TBC1D8: variants seen among roughly 807,000 people sequenced by gnomAD.
The protein encoded by TBC1D8 is BUB2-like protein 1.
TBC1D8 carries 65 observed loss-of-function variants against 118.8 expected under a neutral mutation model. The ratio of observed to expected loss-of-function variants is 0.55; its 90% CI spans 0.45 to 0.67. The LOEUF (loss-of-function observed/expected upper bound fraction) is 0.67. Ranked by LOEUF, TBC1D8 falls within the 30% of genes least tolerant of loss-of-function variation. TBC1D8 has a pLI of 0.00. For synonymous variants in TBC1D8, 566 were observed against 595.8 expected, an observed-to-expected ratio of 0.95 and a Z score of 0.73; for missense variants, 1,376 against 1,471.2, an observed-to-expected ratio of 0.94 and a Z score of 1.06.
intron 1 of TBC1D8, among the ~76,000 whole-genome samples, chr2:101,096,123 T>C (rs1676402937): frequency 1.3e-5 from 2 of 152,194 alleles, no homozygotes; most frequent in South Asian, 4.1e-4. Flanking sequence ...GGGATCTCTC[T>C]ATGTTGCCCA....
In TBC1D8 at chr2:101,050,573, T is replaced by C; in HGVS notation, c.700A>G (p.Thr234Ala). The C allele has an allele frequency of 3.1e-6, 5 of 1,614,048 alleles. No individual in the cohort carries two copies. The highest frequency in any genetic ancestry group is 4.2e-6 in the Non-Finnish European group (5 of 1,179,904). Residue 234 changes from threonine to alanine, a missense_variant, in exon 5 of 20, where the codon ACC becomes GCC. Thr to Ala is a moderately conservative substitution (Grantham distance 58). Coordinates refer to ENST00000409318, the MANE Select transcript of TBC1D8 (RefSeq NM_001330348.2). ...ERTSNVFLTD[T>A]IRITTQNKER... ...TTATTCTGCGTGGTGATTCGGATGG[T>C]ATCCGTCAGAAAGACATTGGACGTT... is the stretch of plus-strand genomic sequence containing the variant.
intron 17 of TBC1D8, among the ~76,000 whole-genome samples, chr2:101,017,042 T>C (rs1679702591): frequency 6.6e-6 from 1 of 151,148 alleles, no homozygotes. Context: ...AACCTGCACA[T>C]TGTGCACATG....
chr2:101,137,031 CTTT>C (rs34792672), intron 1 of TBC1D8, among the ~76,000 whole-genome samples: 28 of 121,030 alleles, frequency 2.3e-4, no homozygotes, highest in East Asian at 7.1e-4. Flanking sequence ...TAGGCTAATT[CTTT>C]TTTTTTTTTT....
chr2:101,024,784 A>G (rs1470658878), intron 15 of TBC1D8, among the ~76,000 whole-genome samples: 3 of 152,166 alleles, frequency 2.0e-5, no homozygotes, highest in African/African-American at 7.2e-5. Flanking sequence ...CCATGACCCA[A>G]CAGTTCCACC....
At chr2:101,016,638 G>A (rs1281010611) in intron 17 of TBC1D8, among the ~76,000 whole-genome samples, 5 of 151,920 alleles carry the variant, frequency 3.3e-5, no homozygotes, top group South Asian at 2.1e-4. Context: ...TGTTTATTGC[G>A]GCACTATTCA....
At chr2:101,013,472 A>T (rs992841490) in intron 17 of TBC1D8, among the ~76,000 whole-genome samples, 3 of 152,222 alleles carry the variant, frequency 2.0e-5, no homozygotes, top group Non-Finnish European at 4.4e-5. Context: ...TTTCTATTAA[A>T]GTGTTCATTG....
rs559359618 is a variant in TBC1D8 at position 101,061,471 on chromosome 2, G to C, written c.284-1932C>G. 2.6e-5 allele frequency among the ~76,000 whole-genome samples: 4 copies of C among 152,162 alleles called. No homozygotes were observed. In the East Asian group the frequency reaches 7.7e-4, roughly 29 times the overall value. On this transcript the variant is annotated intron_variant, in intron 2 of 19. Transcript: ENST00000409318. ...GGAATAATGAAAGTTTAAAACAGTG[G>C]TGCCTATTTTGTATTTCTTGGGCAA...
chr2:101,139,963 G>A (rs1375713061), intron 1 of TBC1D8, among the ~76,000 whole-genome samples: 2 of 152,122 alleles, frequency 1.3e-5, no homozygotes, highest in Non-Finnish European at 2.9e-5. Context: ...GACAGCACAG[G>A]GCCTGGCACT....
chr2:101,055,948 G>T (rs1682396390), intron 3 of TBC1D8, among the ~76,000 whole-genome samples: 1 of 152,016 alleles, frequency 6.6e-6, no homozygotes, highest in Non-Finnish European at 1.5e-5. Context: ...AACAGCCACT[G>T]CACTCCAGCC....
intron 2 of TBC1D8, among the ~76,000 whole-genome samples, chr2:101,072,297 G>C (rs953545428): frequency 6.6e-6 from 1 of 152,076 alleles, no homozygotes; most frequent in African/African-American, 2.4e-5. Flanking sequence ...GTGAGGCCTC[G>C]GGAAGCTTAC....
chr2:101,065,682 T>TC (rs1285200741), intron 2 of TBC1D8, among the ~76,000 whole-genome samples: 1 of 152,232 alleles, frequency 6.6e-6, no homozygotes, highest in Non-Finnish European at 1.5e-5. Context: ...TTTAAATGTT[T>TC]CTTTTTACAA....
intron 1 of TBC1D8, among the ~76,000 whole-genome samples, chr2:101,118,873 G>A (rs12465978): frequency 0.14 from 21,591 of 151,944 alleles, 1,886 homozygotes; most frequent in East Asian, 0.24. Context: ...AGCTGGGTGT[G>A]GTGGCACACA....
intron 17 of TBC1D8, chr2:101,018,123 T>G (rs1373525391): frequency 1.8e-6 from 1 of 547,822 alleles, no homozygotes; most frequent in Non-Finnish European, 3.3e-6. Context: ...TATAAAGTTT[T>G]CAGAATAACA....
chr2:101,151,371 G>T lies in TBC1D8; in HGVS notation c.-118C>A. 2 of 998,110 alleles carry T rather than the reference G, an allele frequency of 2.0e-6. No homozygotes were observed. The highest frequency in any genetic ancestry group is 2.5e-6 in the Non-Finnish European group (2 of 810,788). 61.8% of individuals were successfully genotyped at this position (998,110 alleles called of 1,614,324 possible). ...GCGCGGGGACCACAGCCCGGCCGGT[G>T]CCCAGCGCTCTGAGAGCCCGCGGAG... On this transcript the variant is annotated 5_prime_UTR_variant, in exon 1 of 20. Coordinates refer to ENST00000409318, the MANE Select transcript of TBC1D8 (RefSeq NM_001330348.2).
At chr2:101,143,276 TG>T (rs2104282516) in intron 1 of TBC1D8, among the ~76,000 whole-genome samples, 1 of 152,208 alleles carries the variant, frequency 6.6e-6, no homozygotes, top group South Asian at 2.1e-4. Flanking sequence ...ATGGCCAGGC[TG>T]GTCTCGAACT....
intron 1 of TBC1D8, among the ~76,000 whole-genome samples, chr2:101,147,757 C>T (rs1343023307): frequency 1.3e-5 from 2 of 152,132 alleles, no homozygotes; most frequent in African/African-American, 2.4e-5. Flanking sequence ...TGAAGTGCTT[C>T]AGAGACCCTG....
intron 15 of TBC1D8, among the ~76,000 whole-genome samples, chr2:101,025,212 CTT>C (rs11354323): frequency 1.4e-5 from 2 of 147,924 alleles, no homozygotes; most frequent in African/African-American, 2.5e-5. Flanking sequence ...ACAATAGGCC[CTT>C]TTTTTTTTTA....
At chr2:101,058,048 A>G (rs141168114) in intron 3 of TBC1D8, among the ~76,000 whole-genome samples, 1 of 152,220 alleles carries the variant, frequency 6.6e-6, no homozygotes, top group East Asian at 1.9e-4. Flanking sequence ...AGACCAAGAA[A>G]CGCAGGGTAA....
chr2:101,144,222 C>A (rs558164539), intron 1 of TBC1D8, among the ~76,000 whole-genome samples: 1 of 152,282 alleles, frequency 6.6e-6, no homozygotes, highest in East Asian at 1.9e-4. Context: ...GAGAGGGGCA[C>A]AGACCTATGA....
Sources: gnomAD v4.1 joint callset for allele counts (sites outside exome capture counted in the v4.1 genomes callset) on GRCh38, gnomAD v4.1.1 for gene constraint, MANE v1.5 for transcripts, NCBI Gene and HGNC (gene_info 2026-07-23, HGNC 2026-07-21) for gene names.